PALB2: variants seen among roughly 807,000 people sequenced by gnomAD.
PALB2 encodes the protein partner and localizer of BRCA2.
A neutral mutation model predicts 107.4 loss-of-function variants in PALB2; 82 were observed. The ratio of observed to expected loss-of-function variants is 0.76; its 90% CI spans 0.64 to 0.92. PALB2 has a LOEUF of 0.92. PALB2 is among the 40% of genes least tolerant of loss of function. The pLI is 0.00. For missense variants in PALB2, 1,374 were observed against 1,379.9 expected (o/e 1.00, Z 0.07); for synonymous variants, 489 against 496.8 (o/e 0.98, Z 0.21).
intron 3 of PALB2, among the ~76,000 whole-genome samples, chr16:23,636,551 A>G (rs1967067958): frequency 6.6e-6 from 1 of 152,150 alleles, no homozygotes; most frequent in Admixed American, 6.5e-5. Context: ...AATGTGTTCA[A>G]GGTGTTGACT....
chr16:23,611,908 C>A (rs1280122636), intron 11 of PALB2, among the ~76,000 whole-genome samples: 1 of 152,172 alleles, frequency 6.6e-6, no homozygotes, highest in Non-Finnish European at 1.5e-5. Context: ...CTACACCTGG[C>A]CACAACTGTC....
At chr16:23,609,033 G>A (rs1966535629) in intron 11 of PALB2, among the ~76,000 whole-genome samples, 1 of 151,920 alleles carries the variant, frequency 6.6e-6, no homozygotes, top group Non-Finnish European at 1.5e-5. Flanking sequence ...TCACCACGTT[G>A]ACCAGGATGG....
chr16:23,607,462 T>C, intron 12 of PALB2: 1 of 274,592 alleles, frequency 3.6e-6, no homozygotes, highest in Non-Finnish European at 7.2e-6. Context: ...CTAATATATA[T>C]ATATATTTTT....
At chr16:23,633,300 G>T (rs1435769517) in intron 4 of PALB2, among the ~76,000 whole-genome samples, 6 of 152,108 alleles carry the variant, frequency 3.9e-5, no homozygotes, top group Non-Finnish European at 7.4e-5. Context: ...ACATAAAGTT[G>T]TTTTTTTGTT....
At chr16:23,628,053 A>G (rs1443008188) in intron 6 of PALB2, among the ~76,000 whole-genome samples, 1 of 152,156 alleles carries the variant, frequency 6.6e-6, no homozygotes, top group African/African-American at 2.4e-5. Flanking sequence ...GCAAAACCCC[A>G]TTTCTACTAA....
At chr16:23,614,645 C>CTTTTTTTTT (rs1050495053) in intron 10 of PALB2, among the ~76,000 whole-genome samples, 3 of 107,150 alleles carry the variant, frequency 2.8e-5, no homozygotes, top group African/African-American at 3.8e-5. Context: ...CACTTCCCAG[C>CTTTTTTTTT]TTTTTTTTTT....
In PALB2 at chr16:23,636,225, A is replaced by C. The variant is rs781049663; in HGVS notation, c.321T>G (p.Phe107Leu). Residue 107 changes from phenylalanine (F) to leucine (L), a missense_variant, in exon 4 of 13, where the codon TTT becomes TTG. Transcript: ENST00000261584. ...ATCCTCCTGGGCCATCTCCAGGGTT[A>C]AAGGACTCAGGCCCAACATCAAGTG... is the stretch of plus-strand genomic sequence containing the variant. ...SITLDVGPES[F>L]NPGDGPGGLP... The C allele has an allele frequency of 6.2e-7, 1 of 1,613,652 alleles. No homozygotes were observed. The highest frequency in any genetic ancestry group is 1.1e-5 in the South Asian group (1 of 90,914).
At chr16:23,633,145 G>A (rs997718704) in intron 4 of PALB2, among the ~76,000 whole-genome samples, 2 of 152,140 alleles carry the variant, frequency 1.3e-5, no homozygotes, top group Non-Finnish European at 2.9e-5. Flanking sequence ...TAGATTACTG[G>A]ATTGCCTACT....
At chr16:23,619,997 C>A (rs1966745660) in intron 10 of PALB2, among the ~76,000 whole-genome samples, 1 of 152,156 alleles carries the variant, frequency 6.6e-6, no homozygotes, top group Non-Finnish European at 1.5e-5. Flanking sequence ...CCAGGCTGGT[C>A]TCGAACACTT....
rs587781824 is a variant in PALB2, at chr16:23,635,182, T to C, written c.1364A>G (p.Asn455Ser). 11 of 1,614,090 alleles carry C rather than the reference T, an allele frequency of 6.8e-6. No homozygotes were observed. The highest frequency in any genetic ancestry group is 9.3e-6 in the Non-Finnish European group (11 of 1,180,040). ...KDASKNLNLSNEETDQSEIRM... is the reference protein window; with the variant it reads ...KDASKNLNLSSEETDQSEIRM... ...AATTTCACTTTGGTCAGTTTCCTCATTGGAAAGGTTTAAATTTTTACTTGC... is the reference window on the plus strand; with the variant it reads ...AATTTCACTTTGGTCAGTTTCCTCACTGGAAAGGTTTAAATTTTTACTTGC... The change falls in exon 4 of 13, where the codon AAT (asparagine) becomes AGT (serine). Residue 455 changes from asparagine (N) to serine (S), a missense_variant. Asn to Ser is a conservative substitution (Grantham distance 46). Transcript: ENST00000261584.
intron 6 of PALB2, 52 bp from the exon 7 acceptor site, chr16:23,626,449 G>A (rs2142357374): frequency 1.3e-6 from 2 of 1,596,696 alleles, no homozygotes; most frequent in South Asian, 1.1e-5. Flanking sequence ...GCTGTTTTAT[G>A]CAAAGCATAA....
intron 7 of PALB2, among the ~76,000 whole-genome samples, chr16:23,625,731 A>C (rs1255104075): frequency 6.6e-6 from 1 of 151,728 alleles, no homozygotes; most frequent in Admixed American, 6.6e-5. Context: ...TGGGCGGCAG[A>C]GGTTGACAGT....
rs2142431665 is a variant in PALB2 at position 23,635,648 on chromosome 16, T to C, written c.898A>G (p.Thr300Ala). The change falls in exon 4 of 13, where the codon ACA (threonine) becomes GCA (alanine). Residue 300 changes from threonine to alanine, a missense_variant. Coordinates refer to ENST00000261584, the MANE Select transcript of PALB2 (RefSeq NM_024675.4). ...EAQGKKMTVS[T>A]DNLLVNKAIS... Reference sequence around the variant, plus strand: ...GCTTTATTTACAAGGAGGTTATCTGTAGAGACAGTCATTTTTTTGCCTTGT... The same window carrying C: ...GCTTTATTTACAAGGAGGTTATCTGCAGAGACAGTCATTTTTTTGCCTTGT... 6.2e-7 allele frequency: 1 copy of C among 1,614,136 alleles called. No homozygotes were observed. Among genetic ancestry groups the C allele is most frequent in the South Asian group, 1.1e-5 (1 of 91,088 alleles).
chr16:23,613,787 T>C (rs1185446612), intron 11 of PALB2, among the ~76,000 whole-genome samples: 1 of 152,106 alleles, frequency 6.6e-6, no homozygotes, highest in African/African-American at 2.4e-5. Context: ...TAGAAATAAA[T>C]ATTTGCCCTC....
At chr16:23,622,782 T>C (rs984604270) in intron 9 of PALB2, among the ~76,000 whole-genome samples, 187 bp downstream of exon 9, 1 of 152,088 alleles carries the variant, frequency 6.6e-6, no homozygotes, top group Admixed American at 6.6e-5. Flanking sequence ...TTTGACTTCA[T>C]CCCTGACATG....
chr16:23,607,485 T>A (rs899176682), intron 12 of PALB2: 3 of 284,244 alleles, frequency 1.1e-5, no homozygotes, highest in Non-Finnish European at 2.1e-5. Flanking sequence ...TGGTAGAGAC[T>A]GGGTCTTGCT....
chr16:23,620,372 T>C (rs1966751838), intron 10 of PALB2, among the ~76,000 whole-genome samples: 1 of 152,162 alleles, frequency 6.6e-6, no homozygotes, highest in African/African-American at 2.4e-5. Flanking sequence ...ACTCTGTCCT[T>C]TGGTTCTCTA....
At chr16:23,616,448 CAG>C (rs1966686082) in intron 10 of PALB2, among the ~76,000 whole-genome samples, 1 of 152,298 alleles carries the variant, frequency 6.6e-6, no homozygotes, top group Admixed American at 6.5e-5. Context: ...GGGTGTCCTA[CAG>C]AGTTTCATAC....
intron 1 of PALB2, among the ~76,000 whole-genome samples, chr16:23,639,517 G>GAAAA (rs1186283940): frequency 1.6e-4 from 7 of 43,744 alleles, no homozygotes; most frequent in Non-Finnish European, 1.3e-4. Flanking sequence ...GACTCTGCTT[G>GAAAA]AAAAAAAAAA....
Sources: allele counts gnomAD v4.1 joint callset (sites outside exome capture counted in the v4.1 genomes callset), GRCh38; gene constraint gnomAD v4.1.1; transcripts MANE v1.5; gene names NCBI Gene and HGNC (gene_info 2026-07-23, HGNC 2026-07-21).